SAP130: variants seen among roughly 807,000 people sequenced by gnomAD.
The protein encoded by SAP130 is Sin3A associated protein 130, also known as histone deacetylase complex subunit SAP130.
A neutral mutation model predicts 103.2 loss-of-function variants in SAP130; 16 were observed. That is an observed-to-expected ratio of 0.16 (90% CI 0.10 to 0.24). The LOEUF (loss-of-function observed/expected upper bound fraction) is 0.24, where lower values mean the gene tolerates loss of function less well. Among genes scored for constraint, SAP130 ranks in the 10% least tolerant of loss-of-function variants. The pLI, the probability that SAP130 is intolerant of heterozygous loss-of-function variation, is 1.00. For synonymous variants in SAP130, 477 were observed against 497.0 expected (o/e 0.96, Z 0.53); for missense variants, 990 against 1,359.7 (o/e 0.73, Z 4.28).
At chr2:128,027,654 C>G (rs1685623320) in intron 1 of SAP130, among the ~76,000 whole-genome samples, 3 of 149,290 alleles carry the variant, frequency 2.0e-5, no homozygotes, top group Admixed American at 1.3e-4. Context: ...CGCGCTCCCC[C>G]GGCCGCTCTG....
intron 10 of SAP130, among the ~76,000 whole-genome samples, chr2:127,997,046 T>C (rs1683225927): frequency 6.6e-6 from 1 of 152,204 alleles, no homozygotes; most frequent in South Asian, 2.1e-4. Flanking sequence ...ACGACTTTAA[T>C]TCCCAAGTCT....
At position 128,017,689 on chromosome 2, in the gene SAP130, T is replaced by G; in HGVS notation, c.339A>C (p.Gly113=). ...TPAVPLSFSE[G]LMKPPPKPTM... is the part of the protein sequence containing the mutation. ...TAACCCTCTCCATTACCTTCATAAG[T>G]CCCTCCGAAAATGAAAGTGGCACTG... The change falls in exon 3 of 21, where the codon GGA becomes GGC. Residue 113 remains glycine, a synonymous_variant. Coordinates refer to ENST00000643581, the MANE Select transcript of SAP130 (RefSeq NM_001330301.2). The G allele has an allele frequency of 1.9e-6, 3 of 1,614,126 alleles. No individual in the cohort carries two copies. The highest frequency in any genetic ancestry group is 2.5e-6 in the Non-Finnish European group (3 of 1,179,982).
intron 11 of SAP130, among the ~76,000 whole-genome samples, chr2:127,994,236 G>C (rs1266525088): frequency 6.6e-6 from 1 of 152,122 alleles, no homozygotes. Context: ...AAATGCCTAA[G>C]AAAATAGAAG....
At position 128,016,548 on chromosome 2, in the gene SAP130, C is replaced by G; in HGVS notation, c.349-1G>C. The stretch of plus-strand genomic sequence containing the variant: ...TAGGCATGGTGGGCTTCGGGGGCGG[C>G]TGCAAACAGAAAACCACACAAAACA... On this transcript the variant is annotated splice_acceptor_variant, in intron 3 of 20. Transcript: ENST00000643581. LOFTEE classifies it high-confidence loss of function. 6.2e-7 allele frequency: 1 copy of G among 1,608,628 alleles called. No individual in the cohort carries two copies. The highest frequency in any genetic ancestry group is 8.5e-7 in the Non-Finnish European group (1 of 1,177,152).
intron 15 of SAP130, among the ~76,000 whole-genome samples, chr2:127,977,007 T>C (rs1681510555): frequency 6.6e-6 from 1 of 152,078 alleles, no homozygotes; most frequent in African/African-American, 2.4e-5. Flanking sequence ...ATAGAGGAAG[T>C]CTACAGGAAA....
chr2:127,981,552 C>T lies in SAP130; in HGVS notation c.1959-3463G>A, dbSNP rs71343627. On this transcript the variant is annotated intron_variant, in intron 14 of 20. Transcript: ENST00000643581. ...GTTCCCCCACCCCGACTCAGTCCTC[C>T]TGCACCCCTGACTCAGCTCCCCCAC... 1.9e-3 allele frequency among the ~76,000 whole-genome samples: 171 copies of T among 90,888 alleles called. 1 individual carries two copies. Among genetic ancestry groups the T allele is most frequent in the Non-Finnish European group, 3.2e-3 (141 of 44,618 alleles). The allele number at this position is 90,888 out of a possible 152,430, so 59.6% of individuals were successfully genotyped here.
At chr2:127,952,414 G>A (rs187945388) in intron 16 of SAP130, among the ~76,000 whole-genome samples, 2 of 147,800 alleles carry the variant, frequency 1.4e-5, no homozygotes, top group Non-Finnish European at 3.0e-5. Context: ...TCACGCCACT[G>A]CACTCTAGCC....
intron 14 of SAP130, among the ~76,000 whole-genome samples, chr2:127,985,225 A>G (rs776769056): frequency 6.6e-6 from 1 of 152,262 alleles, no homozygotes. Flanking sequence ...CATCTTAACC[A>G]CAAGCTTTGC....
intron 15 of SAP130, among the ~76,000 whole-genome samples, chr2:127,956,708 A>T (rs1234698880): frequency 1.3e-5 from 2 of 150,906 alleles, no homozygotes; most frequent in Admixed American, 1.3e-4. Context: ...ATAATAAAAA[A>T]AAAAAAAAAA....
At chr2:127,984,311 T>C (rs373499429) in intron 14 of SAP130, among the ~76,000 whole-genome samples, 2 of 152,364 alleles carry the variant, frequency 1.3e-5, no homozygotes, top group East Asian at 3.9e-4. Flanking sequence ...TTATCCTTGC[T>C]CATTTGTTTT....
chr2:128,007,084 G>T lies in SAP130; in HGVS notation c.869+3185C>A, dbSNP rs142757522. On this transcript the variant is annotated intron_variant, in intron 7 of 20. Transcript: ENST00000643581. ...TTAAAACAATCAACACAATGGAAAA[G>T]ATACTTTGACAAAACGATTAAAAAT... Among the ~76,000 whole-genome samples the T allele has an allele frequency of 3.1e-4, 47 of 152,238 alleles. 1 individual carries two copies. The South Asian group carries it at 6.4e-3, about 21-fold the overall frequency.
intron 15 of SAP130, among the ~76,000 whole-genome samples, chr2:127,959,069 C>A (rs1475549925): frequency 6.6e-6 from 1 of 152,142 alleles, no homozygotes; most frequent in Non-Finnish European, 1.5e-5. Context: ...ATTCCTCCCA[C>A]AAAGTATAGC....
intron 2 of SAP130, among the ~76,000 whole-genome samples, chr2:128,022,285 G>A (rs1161494481): frequency 6.6e-6 from 1 of 152,194 alleles, no homozygotes; most frequent in African/African-American, 2.4e-5. Context: ...TATACTGGTA[G>A]TCTGGTCCTT....
At chr2:127,963,177 GTTTTT>G (rs113233953) in intron 15 of SAP130, among the ~76,000 whole-genome samples, 4 of 152,212 alleles carry the variant, frequency 2.6e-5, no homozygotes, top group African/African-American at 9.6e-5. Flanking sequence ...TGCTTATCAA[GTTTTT>G]TCTTGACAAA....
At chr2:128,020,707 G>C (rs1685091785) in intron 2 of SAP130, among the ~76,000 whole-genome samples, 1 of 152,154 alleles carries the variant, frequency 6.6e-6, no homozygotes, top group African/African-American at 2.4e-5. Flanking sequence ...ATTTTTTAAA[G>C]GTGAAATGGG....
Position 127,953,283 on chromosome 2 carries a change from C to T in SAP130, c.2422+1703G>A, listed in dbSNP as rs1363121566. Among the ~76,000 whole-genome samples the T allele has an allele frequency of 6.6e-6, 1 of 152,190 alleles. No homozygotes were observed. Among genetic ancestry groups the T allele is most frequent in the African/African-American group, 2.4e-5 (1 of 41,442 alleles). On this transcript the variant is annotated intron_variant, in intron 16 of 20. Transcript: ENST00000643581. This position sits in a 1 kb window ranked among gnomAD's most constrained non-coding sequence, Gnocchi z 4.0. ...CACACTCTTAGCTCTACCTTAAAAA[C>T]ATAAACAGAATCCTACCACCTCACA...
intron 18 of SAP130, among the ~76,000 whole-genome samples, chr2:127,949,482 T>A (rs1187169003): frequency 6.6e-6 from 1 of 152,244 alleles, no homozygotes; most frequent in East Asian, 1.9e-4. Flanking sequence ...TGCATGCGTA[T>A]TTTTAGCATC....
At chr2:127,994,849 T>A (rs975511005) in intron 11 of SAP130, among the ~76,000 whole-genome samples, 1 of 152,178 alleles carries the variant, frequency 6.6e-6, no homozygotes, top group Non-Finnish European at 1.5e-5. Context: ...AACATGTACA[T>A]AGGAAATTCA....
chr2:127,966,820 G>A (rs978041371), intron 15 of SAP130, among the ~76,000 whole-genome samples: 8 of 152,112 alleles, frequency 5.3e-5, no homozygotes, highest in African/African-American at 1.9e-4. Flanking sequence ...AAATATTTGT[G>A]TAATTTGAGT....
Sources: gnomAD v4.1 joint callset for allele counts (sites outside exome capture counted in the v4.1 genomes callset) on GRCh38, gnomAD v4.1.1 for gene constraint, Gnocchi (gnomAD v3.1) non-coding constraint, MANE v1.5 for transcripts, NCBI Gene and HGNC (gene_info 2026-07-23, HGNC 2026-07-21) for gene names.